The following RBL2 variants were observed in gnomAD, a reference collection of about 807,000 sequenced individuals.
The protein encoded by RBL2 is retinoblastoma-like protein 2.
In RBL2, 56 loss-of-function variants were observed where a neutral mutation model predicts 126.0. That is an observed-to-expected ratio of 0.44 (90% CI 0.36 to 0.56). The LOEUF is 0.56. RBL2 is among the 20% of genes least tolerant of loss of function. The pLI is 0.00. For synonymous variants in RBL2, 454 were observed against 478.5 expected, an observed-to-expected ratio of 0.95 and a Z score of 0.67; for missense variants, 1,229 against 1,398.2, an observed-to-expected ratio of 0.88 and a Z score of 1.93.
chr16:53,477,396 G>A (rs985403150), intron 17 of RBL2, among the ~76,000 whole-genome samples: 10 of 152,044 alleles, frequency 6.6e-5, no homozygotes, highest in African/African-American at 2.2e-4. Flanking sequence ...AGAGAGCAGC[G>A]GTGCAATCTC....
At chr16:53,448,379 G>T (rs1029753604) in intron 4 of RBL2, among the ~76,000 whole-genome samples, 1 of 152,112 alleles carries the variant, frequency 6.6e-6, no homozygotes, top group African/African-American at 2.4e-5. Flanking sequence ...GGCTGGCCTT[G>T]AACTCCTGAC....
intron 9 of RBL2, among the ~76,000 whole-genome samples, chr16:53,461,498 A>T (rs56143939): frequency 0.15 from 22,196 of 151,652 alleles, 2,587 homozygotes; most frequent in African/African-American, 0.32. Flanking sequence ...TCTCAAAAAA[A>T]ATATATATAT....
intron 1 of RBL2, among the ~76,000 whole-genome samples, chr16:53,437,282 A>G (rs567396322): frequency 6.6e-6 from 1 of 151,806 alleles, no homozygotes; most frequent in Non-Finnish European, 1.5e-5. Context: ...TCTCCCAGAG[A>G]TATATGTGAT....
In RBL2 at chr16:53,442,771, T is replaced by A. The variant is rs757262320; in HGVS notation, c.485T>A (p.Ile162Asn). Residue 162 changes from isoleucine to asparagine, a missense_variant, in exon 3 of 22, where the codon ATT (isoleucine) becomes AAT (asparagine). Physicochemically the swap from Ile to Asn is moderately radical, Grantham distance 149 (BLOSUM62 -3). This residue lies in a region of RBL2 where 1,070 missense variants were observed against 1,274.3 expected (regional missense o/e 0.84). Coordinates refer to ENST00000262133, the MANE Select transcript of RBL2 (RefSeq NM_005611.4). ...LERNFTVSAV[I>N]FKKYEPIFQD... ...AGAAACTTCACTGTTTCTGCTGTAA[T>A]TTTTAAGAAATATGAACCCATTTTT... 1.3e-5 allele frequency: 21 copies of A among 1,613,378 alleles called. No individual in the cohort carries two copies. Among genetic ancestry groups the A allele is most frequent in the Non-Finnish European group, 1.8e-5 (21 of 1,179,456 alleles).
intron 21 of RBL2, 55 bp downstream of exon 21, chr16:53,481,890 G>GA: frequency 1.3e-6 from 2 of 1,520,178 alleles, no homozygotes; most frequent in Non-Finnish European, 1.8e-6. Flanking sequence ...TCAGATGCTA[G>GA]AAACAGGGTT....
chr16:53,469,188 C>T (rs1443182280), intron 14 of RBL2, among the ~76,000 whole-genome samples: 1 of 152,152 alleles, frequency 6.6e-6, no homozygotes, highest in Non-Finnish European at 1.5e-5. Flanking sequence ...CGAGATCAGG[C>T]TACTGCACTC....
intron 4 of RBL2, among the ~76,000 whole-genome samples, chr16:53,448,028 A>G (rs771759070): frequency 6.6e-6 from 1 of 152,244 alleles, no homozygotes; most frequent in Non-Finnish European, 1.5e-5. Flanking sequence ...TCTTCTGTAT[A>G]CTATGTGGAA....
chr16:53,465,394 AT>A, intron 12 of RBL2, 43 bp from the exon 13 acceptor site: 2 of 1,262,036 alleles, frequency 1.6e-6, no homozygotes, highest in Non-Finnish European at 2.1e-6. Flanking sequence ...ATATTTAAAA[AT>A]ATTTAATAAT....
At chr16:53,465,229 G>C (rs2058261433) in intron 12 of RBL2, among the ~76,000 whole-genome samples, 1 of 152,092 alleles carries the variant, frequency 6.6e-6, no homozygotes, top group Non-Finnish European at 1.5e-5. Flanking sequence ...TACAAAACAT[G>C]TATTTTCATT....
chr16:53,473,024 T>C (rs945534698), intron 17 of RBL2, among the ~76,000 whole-genome samples: 1 of 152,226 alleles, frequency 6.6e-6, no homozygotes, highest in Non-Finnish European at 1.5e-5. Context: ...CATTTGGGTT[T>C]ATTTCTGAAC....
At position 53,490,380 on chromosome 16, in the gene RBL2, C is replaced by G. The variant is rs1416517615; in HGVS notation, c.*80C>G. On this transcript the variant is annotated 3_prime_UTR_variant, in exon 22 of 22. Coordinates refer to ENST00000262133, the MANE Select transcript of RBL2 (RefSeq NM_005611.4). ...TGCATCTAGATTATGGAGCTTTTTT[C>G]CTTAATCCAGCTGATGAGTTACAGC... 1 of 1,332,172 alleles carries G rather than the reference C, an allele frequency of 7.5e-7. No homozygotes were observed. Among genetic ancestry groups the G allele is most frequent in the African/African-American group, 1.5e-5 (1 of 67,654 alleles). 82.5% of individuals were successfully genotyped at this position (1,332,172 alleles called of 1,614,324 possible).
At chr16:53,434,825 G>A (rs1441510773) in intron 1 of RBL2, 29 bp downstream of exon 1, 1 of 1,474,602 alleles carries the variant, frequency 6.8e-7, no homozygotes, top group East Asian at 2.7e-5. Context: ...GGGCGCTTCC[G>A]GCCTAGTTGG....
At chr16:53,480,089 A>C in intron 19 of RBL2, 98 bp downstream of exon 19, 1 of 787,642 alleles carries the variant, frequency 1.3e-6, no homozygotes, top group Non-Finnish European at 2.0e-6. Context: ...TGAAATAACT[A>C]TAGAAACTAT....
At chr16:53,455,529 A>G (rs113938086) in intron 8 of RBL2, among the ~76,000 whole-genome samples, 3,840 of 152,342 alleles carry the variant, frequency 0.025, 65 homozygotes, top group Middle Eastern at 0.044. Context: ...AACCACGAGA[A>G]CCCTGTTCTA....
At chr16:53,435,832 C>T (rs922432700) in intron 1 of RBL2, 3 of 1,123,888 alleles carry the variant, frequency 2.7e-6, no homozygotes, top group African/African-American at 3.2e-5. Context: ...AATTTTAATT[C>T]AATTACTAGT....
chr16:53,441,024 A>G (rs1478609037), intron 2 of RBL2, among the ~76,000 whole-genome samples: 6 of 137,572 alleles, frequency 4.4e-5, no homozygotes, highest in Admixed American at 1.6e-4. Context: ...CAGTAGCTCA[A>G]TCTCTACTCA....
intron 11 of RBL2, among the ~76,000 whole-genome samples, chr16:53,462,957 C>G (rs2058237153): frequency 6.6e-6 from 1 of 152,068 alleles, no homozygotes; most frequent in Admixed American, 6.5e-5. Flanking sequence ...TCTCCTGCCT[C>G]AGTCTCCCAA....
At position 53,490,609 on chromosome 16, in the gene RBL2, G is replaced by A. The variant is rs1272401217; in HGVS notation, c.*309G>A. 3 of 229,340 alleles carry A rather than the reference G, an allele frequency of 1.3e-5. No individual in the cohort carries two copies. The highest frequency in any genetic ancestry group is 1.7e-4 in the South Asian group (1 of 5,818). 14.2% of individuals were successfully genotyped at this position (229,340 alleles called of 1,614,324 possible). Reference sequence around the variant, plus strand: ...GCAAGAAAATGATGTGTACCCAAACGTGAGCATAGGAGGCTTCTGTTGACG... The same window carrying A: ...GCAAGAAAATGATGTGTACCCAAACATGAGCATAGGAGGCTTCTGTTGACG... On this transcript the variant is annotated 3_prime_UTR_variant, in exon 22 of 22. Coordinates refer to ENST00000262133, the MANE Select transcript of RBL2 (RefSeq NM_005611.4).
rs1040140557 is a variant in RBL2, at chr16:53,471,044, A to T, written c.2703+122A>T. ...ATTCACCTATTTAAAATGCACAACT[A>T]AATGGGTCTTAGTATATTCACAGAT... On this transcript the variant is annotated intron_variant, in intron 17 of 21. Transcript: ENST00000262133. 3.9e-6 allele frequency: 4 copies of T among 1,013,680 alleles called. No individual in the cohort carries two copies. In the African/African-American group the frequency reaches 6.5e-5, roughly 16 times the overall value. The allele number at this position is 1,013,680 out of a possible 1,614,324, so 62.8% of individuals were successfully genotyped here.
Sources: gnomAD v4.1 joint callset for allele counts (sites outside exome capture counted in the v4.1 genomes callset) on GRCh38, gnomAD v4.1.1 for gene constraint, gnomAD v4.1.1 regional missense constraint, MANE v1.5 for transcripts, NCBI Gene and HGNC (gene_info 2026-07-23, HGNC 2026-07-21) for gene names.